The following MYCBP2 variants were observed in gnomAD, a reference collection of about 807,000 sequenced individuals.
MYCBP2 encodes the protein MYC binding protein 2, also known as E3 ubiquitin-protein ligase MYCBP2.
A neutral mutation model predicts 525.3 loss-of-function variants in MYCBP2; 120 were observed. That is an observed-to-expected ratio of 0.23 (90% CI 0.20 to 0.27). MYCBP2 has a LOEUF of 0.27. MYCBP2 is among the 10% of genes least tolerant of loss of function. The pLI, the probability that MYCBP2 is intolerant of heterozygous loss-of-function variation, is 1.00. For synonymous variants in MYCBP2, 1,894 were observed against 1,955.8 expected (o/e 0.97, Z 0.83); for missense variants, 4,149 against 5,657.1 (o/e 0.73, Z 8.55).
intron 62 of MYCBP2, among the ~76,000 whole-genome samples, chr13:77,083,585 T>C (rs867924426): frequency 3.7e-4 from 57 of 152,164 alleles, no homozygotes; most frequent in Middle Eastern, 3.4e-3. Flanking sequence ...AAATAACATA[T>C]GTTTAGAAGT....
chr13:77,291,550 C>A (rs1196170882), intron 2 of MYCBP2, among the ~76,000 whole-genome samples: 1 of 152,180 alleles, frequency 6.6e-6, no homozygotes, highest in Non-Finnish European at 1.5e-5. Flanking sequence ...GCGGGCAGAT[C>A]ACCTGAGGTC....
chr13:77,154,818 C>CT (rs938754664), intron 46 of MYCBP2, among the ~76,000 whole-genome samples: 1 of 151,860 alleles, frequency 6.6e-6, no homozygotes, highest in African/African-American at 2.4e-5. Flanking sequence ...ATTTTTAAAT[C>CT]TTTTTTTCTT....
chr13:77,219,347 T>C (rs1180385576), intron 20 of MYCBP2, among the ~76,000 whole-genome samples: 3 of 151,516 alleles, frequency 2.0e-5, no homozygotes, highest in African/African-American at 4.9e-5. Flanking sequence ...GGCACCACAA[T>C]GCAGCAGATA....
intron 4 of MYCBP2, among the ~76,000 whole-genome samples, chr13:77,275,436 T>C (rs1464762154): frequency 6.6e-6 from 1 of 152,206 alleles, no homozygotes; most frequent in Non-Finnish European, 1.5e-5. Context: ...TACTAAATGC[T>C]GTTATTTCTG....
intron 66 of MYCBP2, among the ~76,000 whole-genome samples, chr13:77,078,507 G>A (rs1414872351): frequency 1.3e-5 from 2 of 152,190 alleles, no homozygotes; most frequent in Non-Finnish European, 2.9e-5. Context: ...GGTGAAGTAA[G>A]GTTTTAAGTG....
Position 77,088,923 on chromosome 13 carries a change from G to C in MYCBP2, c.10634C>G (p.Ala3545Gly). ...TAGATCATGATGTTGTATAACAAAA[G>C]CTAAAACTGGCCACTGGAAATTTCG... ...GERNFQWPVL[A>G]FVIQHHDLEG... is the part of the protein sequence containing the mutation. The change falls in exon 61 of 83, where the codon GCT becomes GGT. Residue 3545 changes from alanine to glycine, a missense_variant. Around this residue, in one of 21 missense-constraint regions of MYCBP2, gnomAD observed 509 missense variants for 789.4 expected, o/e 0.64. Transcript: ENST00000544440. 1 of 1,613,398 alleles carries C rather than the reference G, an allele frequency of 6.2e-7. No individual in the cohort carries two copies. The highest frequency in any genetic ancestry group is 8.5e-7 in the Non-Finnish European group (1 of 1,179,578).
At chr13:77,292,481 T>C (rs2077582811) in intron 2 of MYCBP2, among the ~76,000 whole-genome samples, 1 of 151,388 alleles carries the variant, frequency 6.6e-6, no homozygotes, top group Admixed American at 6.6e-5. Context: ...ACTATTGATA[T>C]ACAACAACAT....
chr13:77,258,378 TCATATCCAAGTGC>T (rs1269055536), intron 13 of MYCBP2, among the ~76,000 whole-genome samples: 1 of 152,182 alleles, frequency 6.6e-6, no homozygotes, highest in Non-Finnish European at 1.5e-5. Flanking sequence ...ATTATATTTG[TCATATCCAAGTGC>T]CACTCATATT....
chr13:77,061,671 A>G lies in MYCBP2; in HGVS notation c.12894T>C (p.His4298=), dbSNP rs1010227956. 6.2e-7 allele frequency: 1 copy of G among 1,609,794 alleles called. No homozygotes were observed. The part of the protein sequence containing the change: ...FLHLHRRTKT[H]QRQVFKEEEE... ...AGACAAAAATCTTCACCTGTCTTTG[A>G]TGAGTTTTGGTTCTTCGATGAAGGT... Residue 4298 remains histidine (H), a synonymous_variant, in exon 75 of 83, where the codon CAT becomes CAC. Transcript: ENST00000544440.
In MYCBP2 at chr13:77,243,965, CA is replaced by C. The variant is rs35429706; in HGVS notation, c.2382-15del. 37,919 of 1,151,664 alleles carry C rather than the reference CA, an allele frequency of 0.033. 42 individuals are homozygous for C. The highest frequency in any genetic ancestry group is 0.078 in the South Asian group (2,674 of 34,070). 71.3% of individuals were successfully genotyped at this position (1,151,664 alleles called of 1,614,324 possible). The stretch of plus-strand genomic sequence containing the variant: ...CAACCACAGATCCTAGGGGGAAATA[CA>C]AAAAAAAAAAAAAAAGACAACTGAG... On this transcript the variant is annotated splice_polypyrimidine_tract_variant and intron_variant, in intron 15 of 82. Transcript: ENST00000544440.
intron 45 of MYCBP2, among the ~76,000 whole-genome samples, chr13:77,157,418 T>G (rs9565322): frequency 0.061 from 9,324 of 152,208 alleles, 479 homozygotes; most frequent in East Asian, 0.17. Flanking sequence ...GACACAGGAT[T>G]TCACCATGTT....
At chr13:77,100,302 C>G (rs996271095) in intron 55 of MYCBP2, 1 of 152,024 alleles carries the variant, frequency 6.6e-6, no homozygotes, top group Non-Finnish European at 1.5e-5. Context: ...TGGCTCAGGA[C>G]AGTAGTGCTG....
At chr13:77,106,886 ATCC>A (rs2047940710) in intron 55 of MYCBP2, among the ~76,000 whole-genome samples, 2 of 152,112 alleles carry the variant, frequency 1.3e-5, no homozygotes, top group South Asian at 2.1e-4. Flanking sequence ...TTCAATCTTC[ATCC>A]TCCTCCCACC....
chr13:77,191,560 A>G, intron 28 of MYCBP2, 119 bp downstream of exon 28: 1 of 1,182,112 alleles, frequency 8.5e-7, no homozygotes, highest in African/African-American at 1.5e-5. Context: ...TTTAGCAGTT[A>G]TATTATGCTC....
At position 77,262,016 on chromosome 13, in the gene MYCBP2, G is replaced by C. The variant is rs574576817; in HGVS notation, c.1647+37C>G. On this transcript the variant is annotated intron_variant, in intron 11 of 82. Transcript: ENST00000544440. ...GATTGTATTTTAATCTCTTAAATCAGAGAATGCTCATTTTTAATCCAAAGA... is the reference window on the plus strand; with the variant it reads ...GATTGTATTTTAATCTCTTAAATCACAGAATGCTCATTTTTAATCCAAAGA... 2.6e-5 allele frequency: 39 copies of C among 1,524,104 alleles called. No homozygotes were observed. The South Asian group carries it at 4.1e-4, about 16-fold the overall frequency. The allele number at this position is 1,524,104 out of a possible 1,614,324, so 94.4% of individuals were successfully genotyped here.
chr13:77,267,999 C>G, intron 7 of MYCBP2, 62 bp from the exon 8 acceptor site: 3 of 952,480 alleles, frequency 3.1e-6, no homozygotes, highest in Non-Finnish European at 5.0e-6. Flanking sequence ...GAAACAGCAG[C>G]CATACAGCTC....
chr13:77,086,682 C>T (rs1272656061), intron 62 of MYCBP2, among the ~76,000 whole-genome samples: 1 of 151,902 alleles, frequency 6.6e-6, no homozygotes, highest in African/African-American at 2.4e-5. Flanking sequence ...TATATTTAAC[C>T]AATTTGTTTG....
At chr13:77,186,938 A>G (rs1385963899) in intron 30 of MYCBP2, among the ~76,000 whole-genome samples, 2 of 151,538 alleles carry the variant, frequency 1.3e-5, no homozygotes, top group African/African-American at 2.4e-5. Flanking sequence ...CAGCCTCCCA[A>G]GCAGCTGGGA....
At chr13:77,147,116 C>T (rs964780506) in intron 47 of MYCBP2, among the ~76,000 whole-genome samples, 19 of 152,028 alleles carry the variant, frequency 1.2e-4, no homozygotes, top group African/African-American at 4.6e-4. Context: ...ATGATACATA[C>T]AATACGATAT....
Sources: allele counts gnomAD v4.1 joint callset (sites outside exome capture counted in the v4.1 genomes callset), GRCh38; gene constraint gnomAD v4.1.1; regional missense constraint gnomAD v4.1.1; transcripts MANE v1.5; gene names NCBI Gene and HGNC (gene_info 2026-07-23, HGNC 2026-07-21).